Variants in NOL4 observed in about 807,000 individuals in gnomAD.
NOL4 encodes cancer/testis antigen 125.
Under a neutral mutation model 75.9 loss-of-function variants are expected in NOL4, and 17 were observed. That is an observed-to-expected ratio of 0.22 (90% CI 0.15 to 0.34). The LOEUF (loss-of-function observed/expected upper bound fraction) is 0.34, where lower values mean the gene tolerates loss of function less well. Ranked by LOEUF, NOL4 falls within the 10% of genes least tolerant of loss-of-function variation. NOL4 has a pLI of 1.00. For synonymous variants in NOL4, 292 were observed against 289.9 expected (o/e 1.01, Z -0.07); for missense variants, 614 against 793.5 (o/e 0.77, Z 2.72).
At chr18:34,010,090 T>A (rs1166638220) in intron 6 of NOL4, among the ~76,000 whole-genome samples, 2 of 151,850 alleles carry the variant, frequency 1.3e-5, no homozygotes, top group African/African-American at 4.8e-5. Context: ...ATCGCCATTT[T>A]AAAAGTATTA....
chr18:33,869,120 A>G lies in NOL4; in HGVS notation c.1723+14124T>C, dbSNP rs1046319563. On this transcript the variant is annotated intron_variant, in intron 10 of 10. Transcript: ENST00000261592. ...TATTCACATATTTTAAGTCCCTCAA[A>G]TTTTACTGTAAGTAGATAATAATTA... 7.2e-5 allele frequency among the ~76,000 whole-genome samples: 11 copies of G among 151,872 alleles called. No individual in the cohort carries two copies. The East Asian group carries it at 1.7e-3, about 24-fold the overall frequency.
chr18:33,909,555 T>G (rs1431361098), intron 9 of NOL4, among the ~76,000 whole-genome samples: 2 of 152,170 alleles, frequency 1.3e-5, no homozygotes, highest in South Asian at 4.1e-4. Context: ...TTAATGATGC[T>G]TTCATTTATC....
At chr18:34,063,166 A>G (rs73957420) in intron 5 of NOL4, among the ~76,000 whole-genome samples, 2,024 of 152,218 alleles carry the variant, frequency 0.013, 48 homozygotes, top group African/African-American at 0.047. Context: ...AATGGAGAAG[A>G]GAAACCACAG....
At chr18:33,971,343 A>C (rs4799733) in intron 6 of NOL4, among the ~76,000 whole-genome samples, 107,308 of 152,084 alleles carry the variant, frequency 0.71, 38,279 homozygotes, top group African/African-American at 0.79. Flanking sequence ...GACAGTGAAC[A>C]TTCTCTTTTC....
chr18:33,944,570 C>A (rs1433825747), intron 8 of NOL4, among the ~76,000 whole-genome samples: 2 of 151,760 alleles, frequency 1.3e-5, no homozygotes, highest in Non-Finnish European at 2.9e-5. Flanking sequence ...TTCTGCTAAC[C>A]CCATGGGACA....
At chr18:34,215,186 C>T (rs1339144517) in intron 1 of NOL4, among the ~76,000 whole-genome samples, 1 of 151,952 alleles carries the variant, frequency 6.6e-6, no homozygotes, top group Non-Finnish European at 1.5e-5. Flanking sequence ...AATTAAAACA[C>T]ATAGTTGGAT....
At chr18:33,899,675 G>A (rs2065632127) in intron 9 of NOL4, among the ~76,000 whole-genome samples, 1 of 152,156 alleles carries the variant, frequency 6.6e-6, no homozygotes, top group Admixed American at 6.5e-5. Flanking sequence ...TCAGAAGCAG[G>A]ACAAGTTGCT....
intron 5 of NOL4, among the ~76,000 whole-genome samples, chr18:34,063,359 A>G (rs920044556): frequency 2.0e-4 from 30 of 152,052 alleles, no homozygotes; most frequent in African/African-American, 7.2e-4. Flanking sequence ...ATTAAGTGGA[A>G]TTTTCAGTCC....
chr18:34,172,508 C>A (rs944579870), intron 1 of NOL4, among the ~76,000 whole-genome samples: 2 of 152,058 alleles, frequency 1.3e-5, no homozygotes, highest in East Asian at 3.9e-4. Flanking sequence ...GATATCTCTT[C>A]AAGATACTGA....
intron 6 of NOL4, among the ~76,000 whole-genome samples, chr18:34,015,021 C>T (rs2074601906): frequency 6.6e-6 from 1 of 151,916 alleles, no homozygotes; most frequent in African/African-American, 2.4e-5. Context: ...TTATAGCCCT[C>T]CAAGGAAGAA....
At chr18:33,943,272 A>G (rs1347151807) in intron 8 of NOL4, 94 bp from the exon 9 acceptor site, 13 of 723,092 alleles carry the variant, frequency 1.8e-5, no homozygotes, top group Non-Finnish European at 2.3e-6. Context: ...GATCATCAAC[A>G]TGTGCAGGAA....
intron 1 of NOL4, among the ~76,000 whole-genome samples, chr18:34,163,747 G>A (rs956126559): frequency 6.6e-5 from 10 of 151,984 alleles, no homozygotes; most frequent in Admixed American, 2.6e-4. Flanking sequence ...CTACTTTAAA[G>A]TTCATATGGA....
At chr18:33,878,039 C>A (rs2064035780) in intron 10 of NOL4, among the ~76,000 whole-genome samples, 1 of 151,996 alleles carries the variant, frequency 6.6e-6, no homozygotes, top group African/African-American at 2.4e-5. Flanking sequence ...GGCTCACATC[C>A]TTTCCCTAAG....
chr18:33,924,334 G>A (rs2145317345), intron 9 of NOL4, among the ~76,000 whole-genome samples: 1 of 152,290 alleles, frequency 6.6e-6, no homozygotes, highest in South Asian at 2.1e-4. Flanking sequence ...TACACCCTTG[G>A]TTCTGACCAT....
At chr18:33,866,691 A>G (rs1002345711) in intron 10 of NOL4, among the ~76,000 whole-genome samples, 2 of 152,128 alleles carry the variant, frequency 1.3e-5, no homozygotes, top group African/African-American at 4.8e-5. Flanking sequence ...CAGTTTTAGA[A>G]ATTTGTAAAG....
At chr18:34,083,223 A>G (rs1252825851) in intron 5 of NOL4, among the ~76,000 whole-genome samples, 2 of 152,196 alleles carry the variant, frequency 1.3e-5, no homozygotes, top group Non-Finnish European at 2.9e-5. Context: ...ATTTCACAAT[A>G]TTTTGGCAAT....
intron 6 of NOL4, among the ~76,000 whole-genome samples, chr18:33,997,940 G>A (rs2073413432): frequency 6.6e-6 from 1 of 151,800 alleles, no homozygotes; most frequent in African/African-American, 2.4e-5. Context: ...CCATTGGGCT[G>A]AATAATGAAG....
In NOL4 at chr18:33,886,133, T is replaced by C. The variant is rs142600315; in HGVS notation, c.1543-2709A>G. Among the ~76,000 whole-genome samples, 247 of 152,154 alleles carry C rather than the reference T, an allele frequency of 1.6e-3. 1 individual carries two copies. Among genetic ancestry groups the C allele is most frequent in the Admixed American group, 2.8e-3 (42 of 15,240 alleles). On this transcript the variant is annotated intron_variant, in intron 9 of 10. Coordinates refer to ENST00000261592, the MANE Select transcript of NOL4 (RefSeq NM_003787.5). ...CTAAAAATCAAAACAGTTGAACTTA[T>C]GGACATAGAGAGTAGAAGGATGATT...
intron 5 of NOL4, chr18:34,023,406 G>T (rs545879326): frequency 8.8e-6 from 4 of 455,836 alleles, no homozygotes; most frequent in African/African-American, 2.0e-5. Flanking sequence ...TTCATATCAG[G>T]TCATCACTTT....
Sources: gnomAD v4.1 joint callset for allele counts (sites outside exome capture counted in the v4.1 genomes callset) on GRCh38, gnomAD v4.1.1 for gene constraint, MANE v1.5 for transcripts, NCBI Gene and HGNC (gene_info 2026-07-23, HGNC 2026-07-21) for gene names.